RIOX2: variants seen among roughly 807,000 people sequenced by gnomAD.
The protein encoded by RIOX2 is ribosomal oxygenase 2.
Under a neutral mutation model 51.2 loss-of-function variants are expected in RIOX2, and 43 were observed. The observed-to-expected ratio is 0.84, with a 90% CI of 0.66 to 1.08. The LOEUF is 1.08. Ranked by LOEUF, RIOX2 falls within the 50% of genes least tolerant of loss-of-function variation. The probability of loss-of-function intolerance (pLI) is 0.00; values close to 1 mark genes in which losing one functional copy is unlikely to be tolerated. For synonymous variants in RIOX2, 226 were observed against 218.5 expected (o/e 1.03, Z -0.30); for missense variants, 566 against 561.7 (o/e 1.01, Z -0.08).
At position 97,950,857 on chromosome 3, in the gene RIOX2, A is replaced by T; in HGVS notation, c.817T>A (p.Ser273Thr). The change falls in exon 6 of 10, where the codon TCG (serine) becomes ACG (threonine). Residue 273 changes from serine to threonine, a missense_variant. Ser to Thr is a moderately conservative substitution (Grantham distance 58). Transcript: ENST00000394198. ...TTTGCAGTATCAAATACAAGCCCCG[A>T]GATGGTATCCAAAAGGAAATCTCCC... ...SWGDFLLDTISGLVFDTAKED... is the reference protein window; with the variant it reads ...SWGDFLLDTITGLVFDTAKED... 1 of 1,613,878 alleles carries T rather than the reference A, an allele frequency of 6.2e-7. No individual in the cohort carries two copies. The highest frequency in any genetic ancestry group is 8.5e-7 in the Non-Finnish European group (1 of 1,179,850).
At chr3:97,966,429 C>T (rs531184141) in intron 2 of RIOX2, among the ~76,000 whole-genome samples, 51 of 152,348 alleles carry the variant, frequency 3.3e-4, no homozygotes, top group Non-Finnish European at 6.3e-4. Context: ...AGATACAGAT[C>T]TCAAACCTTG....
At chr3:97,962,116 G>C (rs1047569083) in intron 2 of RIOX2, among the ~76,000 whole-genome samples, 11 of 152,166 alleles carry the variant, frequency 7.2e-5, no homozygotes, top group African/African-American at 2.7e-4. Context: ...AGTGACTGGG[G>C]TGGTAAGAAA....
intron 4 of RIOX2, among the ~76,000 whole-genome samples, chr3:97,956,266 C>T (rs74726303): frequency 0.021 from 3,224 of 152,264 alleles, 41 homozygotes; most frequent in Admixed American, 0.032. Flanking sequence ...ATATTTCATT[C>T]ATTTCATACA....
chr3:97,954,083 C>T (rs764313617), intron 5 of RIOX2: 6 of 265,648 alleles, frequency 2.3e-5, no homozygotes, highest in Admixed American at 1.4e-4. Flanking sequence ...AGAGTATGAG[C>T]CCAGCCTGGC....
intron 2 of RIOX2, among the ~76,000 whole-genome samples, chr3:97,963,310 A>G (rs546663537): frequency 6.6e-6 from 1 of 152,138 alleles, no homozygotes; most frequent in East Asian, 1.9e-4. Context: ...CTTATTTTGT[A>G]GAGATGGTGG....
chr3:97,945,946 A>G, intron 8 of RIOX2, 59 bp from the exon 9 acceptor site: 2 of 1,260,022 alleles, frequency 1.6e-6, no homozygotes, highest in Admixed American at 2.0e-5. Flanking sequence ...AGGTGTCAGT[A>G]CTAGGAAGGT....
intron 8 of RIOX2, among the ~76,000 whole-genome samples, chr3:97,946,829 G>T (rs1010732459): frequency 2.0e-5 from 3 of 151,580 alleles, no homozygotes; most frequent in Non-Finnish European, 4.4e-5. Context: ...AAATCCAAAG[G>T]CTCCAAGACC....
intron 4 of RIOX2, 117 bp from the exon 5 acceptor site, chr3:97,954,612 A>T (rs1430879610): frequency 1.3e-6 from 1 of 786,486 alleles, no homozygotes; most frequent in African/African-American, 1.7e-5. Flanking sequence ...AGAAACCACA[A>T]CCTCAAGGCA....
At chr3:97,960,682 G>A (rs549522119) in intron 3 of RIOX2, among the ~76,000 whole-genome samples, 5 of 152,286 alleles carry the variant, frequency 3.3e-5, no homozygotes, top group East Asian at 1.9e-4. Context: ...AAACGGAATC[G>A]TGAATCCTGA....
intron 2 of RIOX2, 81 bp downstream of exon 2, chr3:97,967,081 G>C: frequency 2.1e-6 from 3 of 1,431,522 alleles, no homozygotes; most frequent in East Asian, 2.3e-5. Flanking sequence ...ATCAAACTAC[G>C]TATTCACCCT....
Position 97,967,414 on chromosome 3 carries a change from C to T in RIOX2, c.180G>A (p.Glu60=), listed in dbSNP as rs147905592. The change falls in exon 2 of 10, where the codon GAG becomes GAA. Residue 60 remains glutamate (E), a synonymous_variant. Transcript: ENST00000394198. ...CTCTCTGAATGAGAAGGGGCTTCTG[C>T]TCCCAGAATTCCTTGAAAAAAGTCT... ...KTETFFKEFW[E]QKPLLIQRDD... The T allele has an allele frequency of 8.3e-5, 134 of 1,614,142 alleles. No individual in the cohort carries two copies. The East Asian group carries it at 2.9e-3, about 35-fold the overall frequency.
chr3:97,947,716 C>T (rs1048726289), intron 7 of RIOX2, among the ~76,000 whole-genome samples: 4 of 152,020 alleles, frequency 2.6e-5, no homozygotes, highest in Non-Finnish European at 1.5e-5. Context: ...AAAATAATAC[C>T]ATCGAAGTAC....
chr3:97,959,848 C>T (rs1705610127), intron 3 of RIOX2, among the ~76,000 whole-genome samples: 1 of 152,090 alleles, frequency 6.6e-6, no homozygotes. Flanking sequence ...TCAAAACTTA[C>T]CTATACAAAT....
At chr3:97,947,285 G>T in intron 8 of RIOX2, 76 bp downstream of exon 8, 1 of 1,115,528 alleles carries the variant, frequency 9.0e-7, no homozygotes. Context: ...GAGACCAGTG[G>T]TTAATCTAAT....
In RIOX2 at chr3:97,944,374, G is replaced by A. The variant is rs1233717540; in HGVS notation, c.*810C>T. On this transcript the variant is annotated 3_prime_UTR_variant, in exon 10 of 10. Coordinates refer to ENST00000394198, the MANE Select transcript of RIOX2 (RefSeq NM_153182.4). ...CACAAGCATGTTTTCCTGGTGAATT[G>A]GACTGAAAATTACATTTTGACAACT... is the stretch of plus-strand genomic sequence containing the variant. The A allele has an allele frequency of 1.3e-5, 2 of 152,090 alleles. No homozygotes were observed. Among genetic ancestry groups the A allele is most frequent in the Non-Finnish European group, 2.9e-5 (2 of 67,868 alleles). The allele number at this position is 152,090 out of a possible 1,614,324, so 9.4% of individuals were successfully genotyped here. A position where few individuals can be genotyped will look rare whatever the true frequency, so the allele number is the denominator to read the frequency against.
chr3:97,971,757 C>A (rs1706141371), intron 1 of RIOX2: 1 of 152,246 alleles, frequency 6.6e-6, no homozygotes, highest in South Asian at 2.1e-4. Flanking sequence ...GAAATCAGAT[C>A]CTCTTCCTCC....
rs573349143 is a variant in RIOX2 at position 97,955,387 on chromosome 3, G to T, written c.682-892C>A. On this transcript the variant is annotated intron_variant, in intron 4 of 9. Coordinates refer to ENST00000394198, the MANE Select transcript of RIOX2 (RefSeq NM_153182.4). ...TCCCACTCAGGCCAAAATATTCCAT[G>T]TAGCAGCTACCTATGGAGAAAAGAG... 1.8e-4 allele frequency among the ~76,000 whole-genome samples: 28 copies of T among 152,146 alleles called. No individual in the cohort carries two copies. In the South Asian group the frequency reaches 5.4e-3, roughly 29 times the overall value.
intron 1 of RIOX2, among the ~76,000 whole-genome samples, chr3:97,968,288 C>T (rs1356537409): frequency 6.6e-6 from 1 of 152,098 alleles, no homozygotes; most frequent in Non-Finnish European, 1.5e-5. Flanking sequence ...CAGAAACTCC[C>T]CTTCGTTTAA....
chr3:97,949,740 A>T, intron 7 of RIOX2, 104 bp downstream of exon 7: 1 of 1,049,086 alleles, frequency 9.5e-7, no homozygotes, highest in Non-Finnish European at 1.4e-6. Context: ...ATTAACACGA[A>T]AGCACTTCAT....
Sources: gnomAD v4.1 joint callset for allele counts (sites outside exome capture counted in the v4.1 genomes callset) on GRCh38, gnomAD v4.1.1 for gene constraint, MANE v1.5 for transcripts, NCBI Gene and HGNC (gene_info 2026-07-23, HGNC 2026-07-21) for gene names.